RFX2: variants seen among roughly 807,000 people sequenced by gnomAD.
RFX2 encodes regulatory factor X2, also known as DNA-binding protein RFX2.
In RFX2, 20 loss-of-function variants were observed where a neutral mutation model predicts 87.8. The observed-to-expected ratio is 0.23, with a 90% CI of 0.16 to 0.33. The LOEUF (loss-of-function observed/expected upper bound fraction) is 0.33. RFX2 is among the 10% of genes least tolerant of loss of function. The pLI, the probability that RFX2 is intolerant of heterozygous loss-of-function variation, is 1.00. For missense variants in RFX2, 767 were observed against 1,012.3 expected (o/e 0.76, Z 3.29); for synonymous variants, 397 against 431.3 (o/e 0.92, Z 0.98).
At chr19:6,046,616 T>C (rs1433556094) in intron 2 of RFX2, among the ~76,000 whole-genome samples, 3 of 133,230 alleles carry the variant, frequency 2.3e-5, no homozygotes, top group African/African-American at 1.0e-4. Flanking sequence ...TTTTTTTTTT[T>C]TTTTTTTTTT....
intron 1 of RFX2, among the ~76,000 whole-genome samples, chr19:6,048,918 A>C: frequency 8.1e-6 from 1 of 123,050 alleles, no homozygotes; most frequent in Non-Finnish European, 1.7e-5. Flanking sequence ...TGCCACCCAG[A>C]GCCCCACGGC....
Position 6,056,327 on chromosome 19 carries a change from T to C in RFX2, c.-8-8823A>G, listed in dbSNP as rs568408944. Among the ~76,000 whole-genome samples the C allele has an allele frequency of 7.9e-5, 12 of 152,208 alleles. No individual in the cohort carries two copies. The highest frequency in any genetic ancestry group is 1.5e-4 in the Non-Finnish European group (10 of 68,038). ...CATAAGTTTCATTGCATTGTGTATT[T>C]ACTTTGTGGATGTTTGAAATTTCCA... On this transcript the variant is annotated intron_variant, in intron 1 of 17. Transcript: ENST00000303657. The surrounding 1 kb of genome is among the most constrained non-coding windows in gnomAD (Gnocchi z 4.6).
At chr19:5,995,521 T>G in intron 17 of RFX2, 80 bp downstream of exon 17, 159 of 1,365,512 alleles carry the variant, frequency 1.2e-4, no homozygotes, top group Middle Eastern at 1.8e-4. Context: ...CTGTTCATCA[T>G]GAGATGGGGC....
chr19:6,012,526 G>C lies in RFX2; in HGVS notation c.899+460C>G, dbSNP rs773992378. On this transcript the variant is annotated intron_variant, in intron 8 of 17. Transcript: ENST00000303657. The surrounding 1 kb of genome is among the most constrained non-coding windows in gnomAD (Gnocchi z 4.6). ...TCATTATAGGTTTGTCCAAACTGTC[G>C]AATGTACAACACCAAGAGTGAGCCC... 1.3e-5 allele frequency among the ~76,000 whole-genome samples: 2 copies of C among 152,178 alleles called. No homozygotes were observed. The highest frequency in any genetic ancestry group is 6.5e-5 in the Admixed American group (1 of 15,282).
chr19:6,002,743 C>A lies in RFX2; in HGVS notation c.1628G>T (p.Arg543Leu), dbSNP rs34768020. Residue 543 changes from arginine to leucine, a missense_variant, in exon 14 of 18, where the codon CGC becomes CTC. Transcript: ENST00000303657. This position sits in a 1 kb window ranked among gnomAD's most constrained non-coding sequence, Gnocchi z 6.7. ...CACCTGCACGTTGGCAAAGTCCACG[C>A]GGTTGAGGTCGCTGAGCATCTGGTT... ...QINQMLSDLN[R>L]VDFANVQEQA... is the part of the protein sequence containing the mutation. 6.2e-7 allele frequency: 1 copy of A among 1,613,738 alleles called. No homozygotes were observed. The highest frequency in any genetic ancestry group is 8.5e-7 in the Non-Finnish European group (1 of 1,179,960).
At position 6,016,904 on chromosome 19, in the gene RFX2, C is replaced by G. The variant is rs148650446; in HGVS notation, c.598-633G>C. 6.6e-6 allele frequency among the ~76,000 whole-genome samples: 1 copy of G among 152,244 alleles called. No homozygotes were observed. Among genetic ancestry groups the G allele is most frequent in the South Asian group, 2.1e-4 (1 of 4,822 alleles). ...CACCACACAGGCTTTAACACCAAAT[C>G]GCTCCCCAACATACAGGAATGGAGA... On this transcript the variant is annotated intron_variant, in intron 6 of 17. Transcript: ENST00000303657. This position sits in a 1 kb window ranked among gnomAD's most constrained non-coding sequence, Gnocchi z 5.4.
At chr19:6,038,835 C>T (rs548100244) in intron 5 of RFX2, among the ~76,000 whole-genome samples, 16 of 152,246 alleles carry the variant, frequency 1.1e-4, no homozygotes, top group East Asian at 1.9e-4. Context: ...ATGCTGCTGA[C>T]GGAGAGGAGC....
chr19:6,057,613 G>T (rs959415702), intron 1 of RFX2, among the ~76,000 whole-genome samples: 1 of 152,158 alleles, frequency 6.6e-6, no homozygotes, highest in East Asian at 1.9e-4. Context: ...GATGAGCCTC[G>T]GTGTTTGGGA....
Position 6,098,965 on chromosome 19 carries a change from C to CAAAA in RFX2, c.-9+11424_-9+11427dup, listed in dbSNP as rs34110529. 7.5e-3 allele frequency among the ~76,000 whole-genome samples: 396 copies of CAAAA among 52,702 alleles called. 50 individuals carry two copies. Among genetic ancestry groups the CAAAA allele is most frequent in the African/African-American group, 0.02 (375 of 19,124 alleles). 34.6% of individuals were successfully genotyped at this position (52,702 alleles called of 152,430 possible). A position where few individuals can be genotyped will look rare whatever the true frequency, so the allele number is the denominator to read the frequency against. On this transcript the variant is annotated intron_variant, in intron 1 of 17. Transcript: ENST00000303657. ...AATCTTTCACAAACTGCTTGAACCA[C>CAAAA]AAAAAAAAAAAAAAAAAAAAAAAAA...
chr19:6,107,945 C>T (rs201713307), intron 1 of RFX2, among the ~76,000 whole-genome samples: 4 of 152,294 alleles, frequency 2.6e-5, no homozygotes, highest in Non-Finnish European at 4.4e-5. Flanking sequence ...GTGCCCTTCA[C>T]GCAGAAAGCA....
intron 9 of RFX2, among the ~76,000 whole-genome samples, chr19:6,009,515 A>C (rs1599847255): frequency 6.6e-6 from 1 of 152,226 alleles, no homozygotes; most frequent in East Asian, 1.9e-4. Context: ...GCAAGAAGGA[A>C]GAAAGCCCAG....
At chr19:6,035,129 TA>T (rs970386673) in intron 5 of RFX2, among the ~76,000 whole-genome samples, 7 of 152,164 alleles carry the variant, frequency 4.6e-5, no homozygotes. Context: ...TTAAAAAAGA[TA>T]AAAAAGATAA....
chr19:6,035,250 G>T (rs796601294), intron 5 of RFX2, among the ~76,000 whole-genome samples: 16 of 152,258 alleles, frequency 1.1e-4, no homozygotes, highest in African/African-American at 3.9e-4. Flanking sequence ...GCCCACTGAG[G>T]GCTGCTCCCA....
intron 12 of RFX2, among the ~76,000 whole-genome samples, chr19:6,005,422 T>C (rs376220473): frequency 1.3e-5 from 2 of 152,304 alleles, no homozygotes; most frequent in East Asian, 3.9e-4. Flanking sequence ...CCTGATGCTG[T>C]GATTTATGAA....
intron 1 of RFX2, among the ~76,000 whole-genome samples, chr19:6,057,570 G>A (rs1252517500): frequency 6.6e-6 from 1 of 152,190 alleles, no homozygotes; most frequent in Non-Finnish European, 1.5e-5. Context: ...AGAGTTAGCT[G>A]AGTGGTTTTA....
Position 6,047,474 on chromosome 19 carries a change from G to T in RFX2, c.23C>A (p.Ala8Glu). The T allele has an allele frequency of 1.2e-6, 2 of 1,608,216 alleles. No homozygotes were observed. Among genetic ancestry groups the T allele is most frequent in the South Asian group, 1.1e-5 (1 of 90,018 alleles). The change falls in exon 2 of 18, where the codon GCG becomes GAG. Residue 8 changes from alanine to glutamate, a missense_variant. Around this residue, in one of 2 missense-constraint regions of RFX2, gnomAD observed 146 missense variants for 139.2 expected, o/e 1.05. Transcript: ENST00000303657. The surrounding 1 kb of genome is among the most constrained non-coding windows in gnomAD (Gnocchi z 4.2). ...CAGAGCCACGGACGCTGGCGAATCC[G>T]CTCCACCCTCGGAATTCTGCATGCT... MQNSEGG[A>E]DSPASVALRP... is the part of the protein sequence containing the mutation.
chr19:6,090,581 C>T (rs939793100), intron 1 of RFX2, among the ~76,000 whole-genome samples: 1 of 152,132 alleles, frequency 6.6e-6, no homozygotes, highest in Non-Finnish European at 1.5e-5. Context: ...GGAGCCCTCA[C>T]TCCCTGCCGG....
Position 5,997,371 on chromosome 19 carries a change from C to CG in RFX2, c.1860-159dup. On this transcript the variant is annotated intron_variant, in intron 15 of 17. Transcript: ENST00000303657. The surrounding 1 kb of genome is among the most constrained non-coding windows in gnomAD (Gnocchi z 4.2). Reference sequence around the variant, plus strand: ...ACGTGCAGGCCTACGCGGGGGCTGACGGGCTGCCGAGACCCTGGGCCCACG... The same window carrying CG: ...ACGTGCAGGCCTACGCGGGGGCTGACGGGGCTGCCGAGACCCTGGGCCCACG... 1 of 840,778 alleles carries CG rather than the reference C, an allele frequency of 1.2e-6. No homozygotes were observed. Among genetic ancestry groups the CG allele is most frequent in the Non-Finnish European group, 1.8e-6 (1 of 570,408 alleles). 52.1% of individuals were successfully genotyped at this position (840,778 alleles called of 1,614,324 possible).
chr19:6,082,730 T>C (rs1319431021), intron 1 of RFX2, among the ~76,000 whole-genome samples: 5 of 152,006 alleles, frequency 3.3e-5, no homozygotes, highest in Non-Finnish European at 7.4e-5. Context: ...ACTGGAAAAC[T>C]TTCTATAAGG....
Sources: gnomAD v4.1 joint callset for allele counts (sites outside exome capture counted in the v4.1 genomes callset) on GRCh38, gnomAD v4.1.1 for gene constraint, gnomAD v4.1.1 regional missense constraint, Gnocchi (gnomAD v3.1) non-coding constraint, MANE v1.5 for transcripts, NCBI Gene and HGNC (gene_info 2026-07-23, HGNC 2026-07-21) for gene names.